Variants in HECW2 observed in about 807,000 individuals in gnomAD.
The protein encoded by HECW2 is E3 ubiquitin-protein ligase HECW2.
HECW2 carries 61 observed loss-of-function variants against 175.2 expected under a neutral mutation model. The ratio of observed to expected loss-of-function variants is 0.35; its 90% confidence interval spans 0.28 to 0.43. The LOEUF is 0.43. Ranked by LOEUF, HECW2 falls within the 20% of genes least tolerant of loss-of-function variation. The pLI, the probability that HECW2 is intolerant of heterozygous loss-of-function variation, is 1.00. For missense variants in HECW2, 1,524 were observed against 2,000.5 expected (o/e 0.76, Z 4.54); for synonymous variants, 671 against 731.0 (o/e 0.92, Z 1.32).
chr2:196,426,000 G>C (rs567481221), intron 2 of HECW2, among the ~76,000 whole-genome samples: 3 of 152,166 alleles, frequency 2.0e-5, no homozygotes, highest in Admixed American at 6.5e-5. Flanking sequence ...GCAGCTACCC[G>C]AACCTTCAGC....
intron 1 of HECW2, among the ~76,000 whole-genome samples, chr2:196,486,112 T>A (rs1195478378): frequency 1.3e-5 from 2 of 152,052 alleles, no homozygotes; most frequent in Admixed American, 1.3e-4. Flanking sequence ...CTGGTGATAG[T>A]CTAGATTGGG....
intron 1 of HECW2, among the ~76,000 whole-genome samples, chr2:196,497,771 G>A (rs1687447537): frequency 6.6e-6 from 1 of 152,162 alleles, no homozygotes; most frequent in Admixed American, 6.5e-5. Context: ...CCTAGCCATA[G>A]AGAAGTTACC....
chr2:196,507,007 A>G (rs994032735), intron 1 of HECW2, among the ~76,000 whole-genome samples: 2 of 152,244 alleles, frequency 1.3e-5, no homozygotes, highest in African/African-American at 4.8e-5. Context: ...AAATAAATGT[A>G]ATATTGGAAT....
At chr2:196,463,405 CAAA>C (rs34754004) in intron 1 of HECW2, among the ~76,000 whole-genome samples, 1 of 55,708 alleles carries the variant, frequency 1.8e-5, no homozygotes. Flanking sequence ...CTCTACCCTG[CAAA>C]AAAAAAAAAA....
intron 16 of HECW2, 86 bp from the exon 17 acceptor site, chr2:196,271,375 C>A (rs1367982845): frequency 6.4e-6 from 6 of 944,236 alleles, no homozygotes; most frequent in Non-Finnish European, 8.2e-6. Flanking sequence ...GTGTGCCCCA[C>A]CGGGTTCAAG....
At chr2:196,404,819 CTTTTTTT>C (rs71012909) in intron 2 of HECW2, among the ~76,000 whole-genome samples, 6 of 80,380 alleles carry the variant, frequency 7.5e-5, no homozygotes, top group Admixed American at 1.7e-4. Context: ...TTTTTCTTCT[CTTTTTTT>C]TTTTTTTTTT....
intron 11 of HECW2, among the ~76,000 whole-genome samples, chr2:196,307,451 A>T (rs1267586100): frequency 6.6e-6 from 1 of 152,218 alleles, no homozygotes; most frequent in Non-Finnish European, 1.5e-5. Context: ...CAAATTAATA[A>T]CACTAAAAAA....
At chr2:196,590,198 T>C (rs1453938414) in intron 1 of HECW2, among the ~76,000 whole-genome samples, 1 of 152,110 alleles carries the variant, frequency 6.6e-6, no homozygotes, top group Non-Finnish European at 1.5e-5. Context: ...AAGGGGGTGC[T>C]TTTGATAATT....
intron 1 of HECW2, among the ~76,000 whole-genome samples, chr2:196,492,799 T>TA (rs1351607402): frequency 1.3e-5 from 2 of 152,212 alleles, no homozygotes; most frequent in Non-Finnish European, 2.9e-5. Flanking sequence ...TTGCAAGACA[T>TA]ACCTTTGAAG....
chr2:196,459,773 G>A (rs747415229), intron 1 of HECW2, among the ~76,000 whole-genome samples: 5 of 152,258 alleles, frequency 3.3e-5, no homozygotes, highest in East Asian at 3.9e-4. Context: ...GCCAGTCCAC[G>A]GAGGATGTGC....
chr2:196,285,786 G>A, intron 14 of HECW2, among the ~76,000 whole-genome samples: 1 of 152,180 alleles, frequency 6.6e-6, no homozygotes, highest in East Asian at 1.9e-4. Flanking sequence ...TCTTTTGAAG[G>A]AATCAGTAGT....
rs763808344 is a variant in HECW2 at position 196,319,259 on chromosome 2, C to T, written c.1631G>A (p.Gly544Asp). The part of the protein sequence containing the change: ...PELAESSLPA[G>D]PAPEEGEGGP... The stretch of plus-strand genomic sequence containing the variant: ...GCCTTCACCTTCCTCTGGGGCTGGG[C>T]CTGCAGGTAAGGAGCTCTCTGCAAG... Residue 544 changes from glycine to aspartate, a missense_variant, in exon 9 of 29, where the codon GGC (glycine) becomes GAC (aspartate). Transcript: ENST00000644978. 4 of 1,603,766 alleles carry T rather than the reference C, an allele frequency of 2.5e-6. No homozygotes were observed. In the East Asian group the frequency reaches 8.9e-5, roughly 36 times the overall value.
intron 1 of HECW2, among the ~76,000 whole-genome samples, chr2:196,520,930 C>T (rs565489899): frequency 1.3e-5 from 2 of 152,168 alleles, no homozygotes; most frequent in South Asian, 2.1e-4. Context: ...AGAGAGCTAG[C>T]TCAAACAGTA....
rs192148347 is a variant in HECW2 at position 196,342,125 on chromosome 2, C to T, written c.400+1532G>A. On this transcript the variant is annotated intron_variant, in intron 3 of 28. Transcript: ENST00000644978. ...TTTTTTCTACATTAAAGAAAAATGG[C>T]CAGGCACAGGGGCTCATGTCTGTAA... Among the ~76,000 whole-genome samples, 5 of 151,942 alleles carry T rather than the reference C, an allele frequency of 3.3e-5. No homozygotes were observed. In the East Asian group the frequency reaches 9.7e-4, roughly 29 times the overall value.
intron 1 of HECW2, among the ~76,000 whole-genome samples, chr2:196,570,178 G>A (rs1031013868): frequency 6.6e-6 from 1 of 152,096 alleles, no homozygotes; most frequent in African/African-American, 2.4e-5. Flanking sequence ...AACGTTGTAA[G>A]GTCCTGTTTT....
intron 1 of HECW2, among the ~76,000 whole-genome samples, chr2:196,588,460 T>C (rs1691066224): frequency 6.6e-6 from 1 of 152,218 alleles, no homozygotes; most frequent in Non-Finnish European, 1.5e-5. Flanking sequence ...TAGAATGGTA[T>C]TAAAATAGAC....
At chr2:196,498,563 G>A (rs1441588947) in intron 1 of HECW2, among the ~76,000 whole-genome samples, 1 of 152,150 alleles carries the variant, frequency 6.6e-6, no homozygotes, top group Non-Finnish European at 1.5e-5. Context: ...GCTATGGGAG[G>A]AATTTAGTTT....
At chr2:196,453,221 A>G (rs1161281988) in intron 1 of HECW2, among the ~76,000 whole-genome samples, 2 of 152,196 alleles carry the variant, frequency 1.3e-5, no homozygotes, top group African/African-American at 4.8e-5. Flanking sequence ...TCTGCAATAA[A>G]TCAGTAGTGA....
rs546085601 is a variant in HECW2 at position 196,410,678 on chromosome 2, T to C, written c.292+22454A>G. Among the ~76,000 whole-genome samples the C allele has an allele frequency of 2.0e-5, 3 of 152,274 alleles. No homozygotes were observed. The South Asian group carries it at 6.2e-4, about 32-fold the overall frequency. The stretch of plus-strand genomic sequence containing the variant: ...TTAAATCTAAAGACTAAAGGGATAC[T>C]TCCAGTGAACCATGTCACAAAATTC... On this transcript the variant is annotated intron_variant, in intron 2 of 28. Transcript: ENST00000644978.
Sources: allele counts gnomAD v4.1 joint callset (sites outside exome capture counted in the v4.1 genomes callset), GRCh38; gene constraint gnomAD v4.1.1; transcripts MANE v1.5; gene names NCBI Gene and HGNC (gene_info 2026-07-23, HGNC 2026-07-21).